The following ARHGAP24 variants were observed in gnomAD, a reference collection of about 807,000 sequenced individuals.
ARHGAP24 encodes the protein rho GTPase-activating protein 24.
Under a neutral mutation model 76.4 loss-of-function variants are expected in ARHGAP24, and 50 were observed. The observed-to-expected ratio is 0.65, with a 90% CI of 0.52 to 0.83. ARHGAP24 has a LOEUF of 0.83. ARHGAP24 is among the 40% of genes least tolerant of loss of function. ARHGAP24 has a pLI of 0.00. For missense variants in ARHGAP24, 930 were observed against 914.2 expected, an observed-to-expected ratio of 1.02 and a Z score of -0.22; for synonymous variants, 345 against 323.3, an observed-to-expected ratio of 1.07 and a Z score of -0.72.
At chr4:85,489,881 G>C (rs1215625241) in intron 1 of ARHGAP24, among the ~76,000 whole-genome samples, 1 of 152,094 alleles carries the variant, frequency 6.6e-6, no homozygotes, top group Non-Finnish European at 1.5e-5. Context: ...AATAATAATA[G>C]TGGCATGTTT....
chr4:85,742,797 G>A (rs986891683), intron 3 of ARHGAP24, among the ~76,000 whole-genome samples: 1 of 152,114 alleles, frequency 6.6e-6, no homozygotes, highest in African/African-American at 2.4e-5. Context: ...TTCTTAGGAG[G>A]CAAAAACAAT....
chr4:85,509,528 A>G (rs1724196762), intron 1 of ARHGAP24, among the ~76,000 whole-genome samples: 1 of 152,024 alleles, frequency 6.6e-6, no homozygotes, highest in Admixed American at 6.5e-5. Context: ...AAATATATAA[A>G]TATTTTTCTA....
intron 2 of ARHGAP24, among the ~76,000 whole-genome samples, chr4:85,681,711 T>G (rs977447333): frequency 6.6e-6 from 1 of 152,228 alleles, no homozygotes; most frequent in Non-Finnish European, 1.5e-5. Flanking sequence ...AGGTAACAGT[T>G]CTTCATGCAG....
intron 1 of ARHGAP24, among the ~76,000 whole-genome samples, chr4:85,498,195 A>C (rs1723655281): frequency 6.6e-6 from 1 of 152,220 alleles, no homozygotes; most frequent in Non-Finnish European, 1.5e-5. Flanking sequence ...TAATATCTTG[A>C]ATCTCATCCA....
At chr4:85,613,897 C>A (rs77493440) in intron 2 of ARHGAP24, among the ~76,000 whole-genome samples, 95 of 152,278 alleles carry the variant, frequency 6.2e-4, no homozygotes, top group Middle Eastern at 6.8e-3. Flanking sequence ...TAGTACCTCA[C>A]GTCTCAGTAC....
At chr4:85,823,843 C>T (rs1560652642) in intron 3 of ARHGAP24, among the ~76,000 whole-genome samples, 1 of 150,974 alleles carries the variant, frequency 6.6e-6, no homozygotes, top group Non-Finnish European at 1.5e-5. Flanking sequence ...CCCTAGCTCC[C>T]TCCCTTCCCT....
At chr4:85,982,796 T>TCCTGGG (rs1425830451) in intron 8 of ARHGAP24, among the ~76,000 whole-genome samples, 1 of 152,138 alleles carries the variant, frequency 6.6e-6, no homozygotes, top group East Asian at 1.9e-4. Flanking sequence ...CTGGGGCACA[T>TCCTGGG]GTACAGGATT....
At chr4:85,914,652 A>G (rs346509) in intron 3 of ARHGAP24, among the ~76,000 whole-genome samples, 46,124 of 152,042 alleles carry the variant, frequency 0.3, 7,255 homozygotes, top group East Asian at 0.56. Flanking sequence ...TTTAACTTTC[A>G]TGACCATTAG....
intron 3 of ARHGAP24, among the ~76,000 whole-genome samples, chr4:85,904,330 G>T (rs1279555357): frequency 1.3e-5 from 2 of 152,086 alleles, no homozygotes; most frequent in African/African-American, 4.8e-5. Flanking sequence ...GGAGTGGAAG[G>T]TGCCACACAC....
At chr4:85,621,313 A>G (rs1720710750) in intron 2 of ARHGAP24, among the ~76,000 whole-genome samples, 1 of 152,020 alleles carries the variant, frequency 6.6e-6, no homozygotes, top group Admixed American at 6.6e-5. Context: ...CAAAGAGTAT[A>G]TCTATTTTTA....
chr4:85,557,438 G>A (rs1003781785), intron 1 of ARHGAP24, among the ~76,000 whole-genome samples: 4 of 152,212 alleles, frequency 2.6e-5, no homozygotes, highest in African/African-American at 9.6e-5. Context: ...CGCAGCAGGG[G>A]AGTTTGCGGG....
chr4:85,837,526 CA>C (rs888056834), intron 3 of ARHGAP24, among the ~76,000 whole-genome samples: 14 of 149,550 alleles, frequency 9.4e-5, no homozygotes, highest in African/African-American at 2.9e-4. Flanking sequence ...AAGAGAAAAA[CA>C]AAAAAAAACA....
chr4:85,932,963 A>G (rs1180341023), intron 4 of ARHGAP24, among the ~76,000 whole-genome samples: 1 of 152,188 alleles, frequency 6.6e-6, no homozygotes, highest in East Asian at 1.9e-4. Flanking sequence ...CAGCAGCAGC[A>G]TGACGCACAG....
chr4:85,969,099 T>C (rs1397167158), intron 5 of ARHGAP24, among the ~76,000 whole-genome samples: 1 of 152,104 alleles, frequency 6.6e-6, no homozygotes, highest in East Asian at 1.9e-4. Flanking sequence ...AAATTGCTGG[T>C]AGAGGAAGAA....
intron 2 of ARHGAP24, among the ~76,000 whole-genome samples, chr4:85,582,115 A>T (rs1194150895): frequency 6.6e-6 from 1 of 152,152 alleles, no homozygotes; most frequent in African/African-American, 2.4e-5. Context: ...TGAAATTTGC[A>T]TTGCAATATC....
intron 2 of ARHGAP24, among the ~76,000 whole-genome samples, chr4:85,647,243 A>G (rs1393687883): frequency 6.6e-6 from 1 of 152,134 alleles, no homozygotes; most frequent in Non-Finnish European, 1.5e-5. Context: ...TTGTAGTCAT[A>G]GTTGTATTTT....
chr4:85,626,206 T>C (rs1409518426), intron 2 of ARHGAP24, among the ~76,000 whole-genome samples: 1 of 152,244 alleles, frequency 6.6e-6, no homozygotes, highest in Non-Finnish European at 1.5e-5. Flanking sequence ...CAGTGGCTGT[T>C]ACTGGTTTTT....
At chr4:85,743,456 T>C in intron 3 of ARHGAP24, among the ~76,000 whole-genome samples, 1 of 135,510 alleles carries the variant, frequency 7.4e-6, no homozygotes, top group African/African-American at 2.8e-5. Flanking sequence ...TAGTCCCAGC[T>C]GTTTGGGAGG....
At chr4:85,626,239 T>C (rs990026834) in intron 2 of ARHGAP24, among the ~76,000 whole-genome samples, 2 of 152,214 alleles carry the variant, frequency 1.3e-5, no homozygotes, top group African/African-American at 4.8e-5. Flanking sequence ...TAGTGCTTCC[T>C]TCAGGAGCTC....
Sources: allele counts gnomAD v4.1 joint callset (sites outside exome capture counted in the v4.1 genomes callset), GRCh38; gene constraint gnomAD v4.1.1; transcripts MANE v1.5; gene names NCBI Gene and HGNC (gene_info 2026-07-23, HGNC 2026-07-21).